SHOX: variants seen among roughly 807,000 people sequenced by gnomAD.
SHOX encodes SHOX homeobox, also known as short stature homeobox protein.
Under a neutral mutation model 29.6 loss-of-function variants are expected in SHOX, and 12 were observed. That is an observed-to-expected ratio of 0.41 (90% CI 0.26 to 0.66). SHOX has a LOEUF of 0.66. Among genes scored for constraint, SHOX ranks in the 30% least tolerant of loss-of-function variants. The pLI is 0.35. For synonymous variants in SHOX, 214 were observed against 200.6 expected, an observed-to-expected ratio of 1.07 and a Z score of -0.57; for missense variants, 499 against 437.7, an observed-to-expected ratio of 1.14 and a Z score of -1.25.
At chrX:627,733 G>A (rs547161987), upstream of SHOX, among the ~76,000 whole-genome samples, 7 of 152,222 alleles carry the variant, frequency 4.6e-5, no homozygotes, top group South Asian at 4.1e-4. Flanking sequence ...CTGGTAGAGC[G>A]GAGTTTCCTA....
intron 2 of SHOX, among the ~76,000 whole-genome samples, chrX:635,542 C>A (rs978846183): frequency 2.6e-5 from 4 of 152,144 alleles, no homozygotes; most frequent in African/African-American, 9.7e-5. Flanking sequence ...AGCGCAGGAG[C>A]ACGTTGGGCA....
chrX:636,947 A>ATATATATATATATATAC (rs1569494124), intron 2 of SHOX, among the ~76,000 whole-genome samples: 1 of 78,956 alleles, frequency 1.3e-5, no homozygotes, highest in African/African-American at 6.4e-5. Flanking sequence ...TTCATTTAAA[A>ATATATATATATATATAC]ATATATATAT....
chrX:632,748 A>G (rs1163359394), intron 1 of SHOX, among the ~76,000 whole-genome samples: 1 of 152,136 alleles, frequency 6.6e-6, no homozygotes, highest in Non-Finnish European at 1.5e-5. Flanking sequence ...CAGTGAGAGG[A>G]GTTCCTCCCT....
At chrX:652,043 C>T (rs1338208816), downstream of SHOX, among the ~76,000 whole-genome samples, 1 of 152,110 alleles carries the variant, frequency 6.6e-6, no homozygotes, top group Non-Finnish European at 1.5e-5. Flanking sequence ...CTGCCTCAGC[C>T]TCCCGAGTAG....
At chrX:654,254 T>C (rs1333911152), downstream of SHOX, among the ~76,000 whole-genome samples, 1 of 151,758 alleles carries the variant, frequency 6.6e-6, no homozygotes, top group African/African-American at 2.4e-5. Context: ...CTGGGCAACA[T>C]AGCGAGACCC....
At chrX:654,244 C>T (rs2053106703), downstream of SHOX, among the ~76,000 whole-genome samples, 1 of 151,810 alleles carries the variant, frequency 6.6e-6, no homozygotes, top group African/African-American at 2.4e-5. Context: ...TGAGACCAGC[C>T]TGGGCAACAT....
At chrX:633,657 A>G (rs1357459880) in intron 1 of SHOX, among the ~76,000 whole-genome samples, 1 of 152,062 alleles carries the variant, frequency 6.6e-6, no homozygotes, top group Non-Finnish European at 1.5e-5. Context: ...TCCAAATGTC[A>G]GCCCCTTACC....
At position 650,451 on chromosome X, in the gene SHOX, G is replaced by A. The variant is rs185534916; in HGVS notation, c.*5815G>A. On this transcript the variant is annotated 3_prime_UTR_variant, in exon 5 of 5. Transcript: ENST00000686671. The stretch of plus-strand genomic sequence containing the variant: ...GCACGTGGGAGCATCTGTGGATACC[G>A]CAGAGTCTGGGGACAGCTGGGCGTT... 6.6e-6 allele frequency among the ~76,000 whole-genome samples: 1 copy of A among 152,250 alleles called. No homozygotes were observed. Among genetic ancestry groups the A allele is most frequent in the East Asian group, 1.9e-4 (1 of 5,170 alleles).
intron 1 of SHOX, among the ~76,000 whole-genome samples, chrX:624,886 C>CTTTCTTTCTTTA (rs2052483288): frequency 1.7e-5 from 1 of 59,340 alleles, no homozygotes; most frequent in East Asian, 2.8e-4. Context: ...TTCTTTCTTT[C>CTTTCTTTCTTTA]TTTCTTTCTT....
At chrX:625,041 T>TCCTCCCTCTGTTCCTTC (rs1239055365) in intron 1 of SHOX, among the ~76,000 whole-genome samples, 14 of 82,396 alleles carry the variant, frequency 1.7e-4, no homozygotes, top group Non-Finnish European at 3.2e-4. Flanking sequence ...TCCTTTCCTT[T>TCCTCCCTCTGTTCCTTC]CCTCCCTCTG....
chrX:655,578 C>CTG (rs1569496562), downstream of SHOX, among the ~76,000 whole-genome samples: 153 of 62,166 alleles, frequency 2.5e-3, 1 homozygote, highest in Middle Eastern at 9.3e-3. Context: ...GTCTCTCTCT[C>CTG]TCTCTCTCTC....
downstream of SHOX, among the ~76,000 whole-genome samples, chrX:656,107 C>T (rs1232798360): frequency 3.4e-5 from 5 of 145,904 alleles, no homozygotes; most frequent in African/African-American, 1.3e-4. Flanking sequence ...CCCAGGAGTT[C>T]AAGACCAGCC....
chrX:646,617 A>G lies in SHOX; in HGVS notation c.*1981A>G, dbSNP rs1172622370. On this transcript the variant is annotated 3_prime_UTR_variant, in exon 5 of 5. Transcript: ENST00000686671. The stretch of plus-strand genomic sequence containing the variant: ...TGAGCTGAACTGTAGATCCATTTGG[A>G]CCCGTCTCATTTGTATCTTCTGATA... 1 of 152,044 alleles carries G rather than the reference A, an allele frequency of 6.6e-6. No homozygotes were observed. The highest frequency in any genetic ancestry group is 1.5e-5 in the Non-Finnish European group (1 of 68,024). The allele number at this position is 152,044 out of a possible 1,614,324, so 9.4% of individuals were successfully genotyped here.
At chrX:625,058 CCTCCCTCCCTCCCTCCTTCT>C (rs1433032483) in intron 1 of SHOX, among the ~76,000 whole-genome samples, 1 of 75,214 alleles carries the variant, frequency 1.3e-5, no homozygotes, top group Non-Finnish European at 2.2e-5. Context: ...TCTGTTCCTT[CCTCCCTCCCTCCCTCCTTCT>C]CTCCCTCCCT....
At chrX:637,460 T>G (rs916746601) in intron 2 of SHOX, among the ~76,000 whole-genome samples, 4 of 150,980 alleles carry the variant, frequency 2.6e-5, no homozygotes, top group African/African-American at 4.9e-5. Context: ...GGAAAATTGG[T>G]TGTGGGGTGT....
chrX:634,647 G>T lies in SHOX; in HGVS notation c.307G>T (p.Asp103Tyr). Residue 103 changes from aspartate to tyrosine, a missense_variant, in exon 2 of 5, where the codon GAC (aspartate) becomes TAC (tyrosine). Coordinates refer to ENST00000686671, the MANE Select transcript of SHOX (RefSeq NM_000451.4). ...GIYECKEKRE[D>Y]VKSEDEDGQT... ...TTATGAATGCAAAGAGAAGCGCGAG[G>T]ACGTGAAGTCGGAGGACGAGGACGG... The T allele has an allele frequency of 6.2e-7, 1 of 1,613,882 alleles. No individual in the cohort carries two copies. Among genetic ancestry groups the T allele is most frequent in the Non-Finnish European group, 8.5e-7 (1 of 1,179,880 alleles).
chrX:657,402 A>G (rs1294493579), intron 5 of SHOX, among the ~76,000 whole-genome samples: 1 of 152,156 alleles, frequency 6.6e-6, no homozygotes, highest in Non-Finnish European at 1.5e-5. Flanking sequence ...TGGAATCACA[A>G]TGCACCCTTG....
rs1226854818 is a variant in SHOX, at chrX:644,591, C to T, written c.834C>T (p.Asp278=). ...KSNSKNSSIA[D]LRLKARKHAE... ...ACAGCAAGAATTCCAGCATCGCCGA[C>T]CTGCGGCTCAAGGCGCGGAAGCACG... Residue 278 remains aspartate (D), a synonymous_variant, in exon 5 of 5, where the codon GAC becomes GAT. Coordinates refer to ENST00000686671, the MANE Select transcript of SHOX (RefSeq NM_000451.4). 2 of 1,512,400 alleles carry T rather than the reference C, an allele frequency of 1.3e-6. No individual in the cohort carries two copies. Among genetic ancestry groups the T allele is most frequent in the East Asian group, 5.2e-5 (2 of 38,258 alleles). 93.7% of individuals were successfully genotyped at this position (1,512,400 alleles called of 1,614,324 possible). A position where few individuals can be genotyped will look rare whatever the true frequency, so the allele number is the denominator to read the frequency against.
At chrX:626,793 A>G (rs772717439), upstream of SHOX, among the ~76,000 whole-genome samples, 82 of 60,030 alleles carry the variant, frequency 1.4e-3, no homozygotes, top group East Asian at 0.03. Flanking sequence ...CTGTCTCTGT[A>G]TCTCTATCTC....
Sources: gnomAD v4.1 joint callset for allele counts (sites outside exome capture counted in the v4.1 genomes callset) on GRCh38, gnomAD v4.1.1 for gene constraint, MANE v1.5 for transcripts, NCBI Gene and HGNC (gene_info 2026-07-23, HGNC 2026-07-21) for gene names.